Variants in BHLHA15 observed in about 807,000 individuals in gnomAD.
BHLHA15 encodes class A basic helix-loop-helix protein 15.
In BHLHA15, 7 loss-of-function variants were observed where a neutral mutation model predicts 10.4. The observed-to-expected ratio is 0.67, with a 90% confidence interval of 0.38 to 1.26. The LOEUF is 1.26. BHLHA15 is among the 50% of genes most tolerant of loss of function. The probability of loss-of-function intolerance (pLI) is 0.02; values close to 1 mark genes in which losing one functional copy is unlikely to be tolerated. For missense variants in BHLHA15, 289 were observed against 287.4 expected (o/e 1.01, Z -0.04); for synonymous variants, 140 against 131.5 (o/e 1.06, Z -0.44).
chr7:98,212,805 GCCA>G lies in BHLHA15; in HGVS notation c.498_500del (p.Thr167del). On this transcript the variant is annotated inframe_deletion, in exon 2 of 2. Transcript: ENST00000609256. ...GCAGGTGGCTGGGGGTGCGTTGGGG[GCCA>G]CGGAGGCCCAGCCCCAGGGCCACCT... The G allele has an allele frequency of 6.5e-7, 1 of 1,547,964 alleles. No homozygotes were observed. Among genetic ancestry groups the G allele is most frequent in the South Asian group, 1.2e-5 (1 of 83,392 alleles).
chr7:98,212,744 G>A lies in BHLHA15; in HGVS notation c.435G>A (p.Pro145=), dbSNP rs764639606. 10 of 1,556,596 alleles carry A rather than the reference G, an allele frequency of 6.4e-6. No homozygotes were observed. Among genetic ancestry groups the A allele is most frequent in the African/African-American group, 1.4e-5 (1 of 73,552 alleles). ...GCCGCCTCCCAGGCCTGGAGGGGCC[G>A]GGCCCCAAGCTCTACCAGCACTACC... ...SSSRLPGLEG[P]GPKLYQHYQQ... is the part of the protein sequence containing the mutation. Residue 145 remains proline, a synonymous_variant, in exon 2 of 2, where the codon CCG becomes CCA. Coordinates refer to ENST00000609256, the MANE Select transcript of BHLHA15 (RefSeq NM_177455.4).
rs1325219048 is a variant in BHLHA15, at chr7:98,212,377, A to G, written c.68A>G (p.Glu23Gly). ...CAGGACACAGAGGCCACCCCCGGGG[A>G]GGGGACGCCCGACGGGTCCCTGCCG... ...PVQDTEATPG[E>G]GTPDGSLPNP... Residue 23 changes from glutamate (E) to glycine (G), a missense_variant, in exon 2 of 2, where the codon GAG becomes GGG. Coordinates refer to ENST00000609256, the MANE Select transcript of BHLHA15 (RefSeq NM_177455.4). 2 of 1,437,416 alleles carry G rather than the reference A, an allele frequency of 1.4e-6. No individual in the cohort carries two copies. The highest frequency in any genetic ancestry group is 1.8e-6 in the Non-Finnish European group (2 of 1,097,438). The allele number at this position is 1,437,416 out of a possible 1,614,324, so 89.0% of individuals were successfully genotyped here. A position where few individuals can be genotyped will look rare whatever the true frequency, so the allele number is the denominator to read the frequency against.
rs1265618544 is a variant in BHLHA15, at chr7:98,215,005, G to A, written c.*2126G>A. The A allele has an allele frequency of 6.6e-6, 1 of 152,352 alleles. No homozygotes were observed. The highest frequency in any genetic ancestry group is 2.4e-5 in the African/African-American group (1 of 41,462). 9.4% of individuals were successfully genotyped at this position (152,352 alleles called of 1,614,324 possible). ...GAGGAGGAGAGGGGACAGGGGCCAG[G>A]TCCACTCCCTTGGCCCTCCTCTTGG... On this transcript the variant is annotated 3_prime_UTR_variant, in exon 2 of 2. Transcript: ENST00000609256.
chr7:98,211,865 C>T (rs989168589), intron 1 of BHLHA15, among the ~76,000 whole-genome samples: 1 of 152,134 alleles, frequency 6.6e-6, no homozygotes, highest in Non-Finnish European at 1.5e-5. Context: ...AAGTCAGTGC[C>T]GCCTCCGGCA....
chr7:98,213,409 T>G lies in BHLHA15; in HGVS notation c.*530T>G, dbSNP rs1184030471. Reference sequence around the variant, plus strand: ...GCAGAGCCTAAGGCTGCTCGGGGAGTGGGGCCAATCAGAGATGATTGGAGC... The same window carrying G: ...GCAGAGCCTAAGGCTGCTCGGGGAGGGGGGCCAATCAGAGATGATTGGAGC... On this transcript the variant is annotated 3_prime_UTR_variant, in exon 2 of 2. Transcript: ENST00000609256. 2.0e-5 allele frequency among the ~76,000 whole-genome samples: 3 copies of G among 151,796 alleles called. No homozygotes were observed. Among genetic ancestry groups the G allele is most frequent in the African/African-American group, 7.3e-5 (3 of 41,290 alleles).
Position 98,213,147 on chromosome 7 carries a change from G to A in BHLHA15, c.*268G>A, listed in dbSNP as rs1050631788. Among the ~76,000 whole-genome samples, 2 of 152,226 alleles carry A rather than the reference G, an allele frequency of 1.3e-5. No homozygotes were observed. Among genetic ancestry groups the A allele is most frequent in the Admixed American group, 1.3e-4 (2 of 15,292 alleles). On this transcript the variant is annotated 3_prime_UTR_variant, in exon 2 of 2. Transcript: ENST00000609256. ...TCTAGGTAGGGCCCAGTTGGATCCT[G>A]ATTTTTCATTGAGCCAGGCAGTCTC...
In BHLHA15 at chr7:98,212,272, T is replaced by C; in HGVS notation, c.-38T>C. 7.6e-7 allele frequency: 1 copy of C among 1,319,320 alleles called. No individual in the cohort carries two copies. The highest frequency in any genetic ancestry group is 9.7e-7 in the Non-Finnish European group (1 of 1,030,928). The allele number at this position is 1,319,320 out of a possible 1,614,324, so 81.7% of individuals were successfully genotyped here. ...GGATTTCAGCTCCAAGGGCCTCACC[T>C]TCCTGCCGCCACCTCCTAGGACAGC... On this transcript the variant is annotated 5_prime_UTR_variant, in exon 2 of 2. Coordinates refer to ENST00000609256, the MANE Select transcript of BHLHA15 (RefSeq NM_177455.4).
Position 98,212,993 on chromosome 7 carries a change from G to A in BHLHA15, c.*114G>A, listed in dbSNP as rs1797932194. ...GGGCGGTGACACCCCACAAGGACAC[G>A]GCCTCAGCGGTTCCATTTTCCCCCG... is the stretch of plus-strand genomic sequence containing the variant. On this transcript the variant is annotated 3_prime_UTR_variant, in exon 2 of 2. Transcript: ENST00000609256. 6 of 973,608 alleles carry A rather than the reference G, an allele frequency of 6.2e-6. No homozygotes were observed. The South Asian group carries it at 1.1e-4, about 17-fold the overall frequency. 60.3% of individuals were successfully genotyped at this position (973,608 alleles called of 1,614,324 possible).
chr7:98,211,629 G>A (rs80021450), intron 1 of BHLHA15, 131 bp downstream of exon 1: 8,480 of 152,382 alleles, frequency 0.056, 606 homozygotes, highest in East Asian at 0.33. Context: ...CTGTCTGGAG[G>A]CTCCACGGGG....
Position 98,212,245 on chromosome 7 carries a change from C to G in BHLHA15, c.-54-11C>G, listed in dbSNP as rs1186643790. ...GGGTGACCACAGAGTGTCCTGTGTT[C>G]TGGATTTCAGCTCCAAGGGCCTCAC... is the stretch of plus-strand genomic sequence containing the variant. On this transcript the variant is annotated splice_polypyrimidine_tract_variant and intron_variant, in intron 1 of 1. Transcript: ENST00000609256. 5 of 1,298,092 alleles carry G rather than the reference C, an allele frequency of 3.9e-6. No individual in the cohort carries two copies. The East Asian group carries it at 9.6e-5, about 25-fold the overall frequency. The allele number at this position is 1,298,092 out of a possible 1,614,324, so 80.4% of individuals were successfully genotyped here. A position where few individuals can be genotyped will look rare whatever the true frequency, so the allele number is the denominator to read the frequency against.
rs533501805 is a variant in BHLHA15 at position 98,213,134 on chromosome 7, C to A, written c.*255C>A. 6.6e-6 allele frequency among the ~76,000 whole-genome samples: 1 copy of A among 152,320 alleles called. No homozygotes were observed. The highest frequency in any genetic ancestry group is 1.5e-5 in the Non-Finnish European group (1 of 68,026). ...TGAGGCCCAAACCTCTAGGTAGGGCCCAGTTGGATCCTGATTTTTCATTGA... is the reference window on the plus strand; with the variant it reads ...TGAGGCCCAAACCTCTAGGTAGGGCACAGTTGGATCCTGATTTTTCATTGA... On this transcript the variant is annotated 3_prime_UTR_variant, in exon 2 of 2. Transcript: ENST00000609256.
At position 98,212,937 on chromosome 7, in the gene BHLHA15, C is replaced by T; in HGVS notation, c.*58C>T. 13 of 1,450,344 alleles carry T rather than the reference C, an allele frequency of 9.0e-6. No individual in the cohort carries two copies. Among genetic ancestry groups the T allele is most frequent in the Non-Finnish European group, 9.1e-7 (1 of 1,093,718 alleles). 89.8% of individuals were successfully genotyped at this position (1,450,344 alleles called of 1,614,324 possible). On this transcript the variant is annotated 3_prime_UTR_variant, in exon 2 of 2. Transcript: ENST00000609256. ...CAGCTGCCTGGCCTGCTCCTCCCAGCCCCAGTCCCTCCAAGCCACGAGCCC... is the reference window on the plus strand; with the variant it reads ...CAGCTGCCTGGCCTGCTCCTCCCAGTCCCAGTCCCTCCAAGCCACGAGCCC...
At chr7:98,211,611 C>CT (rs1454988048) in intron 1 of BHLHA15, 113 bp downstream of exon 1, 1 of 152,274 alleles carries the variant, frequency 6.6e-6, no homozygotes, top group Non-Finnish European at 1.5e-5. Context: ...GGGTGGGGGA[C>CT]TTCTGGTCTG....
In BHLHA15 at chr7:98,214,335, T is replaced by TCAG. The variant is rs1797952879; in HGVS notation, c.*1457_*1459dup. On this transcript the variant is annotated 3_prime_UTR_variant, in exon 2 of 2. Transcript: ENST00000609256. ...TTGGTTTCATTTCGATGAGACTTTGTCAGAGGCCTGGTCTGGTCCTGGCCC... is the reference window on the plus strand; with the variant it reads ...TTGGTTTCATTTCGATGAGACTTTGTCAGCAGAGGCCTGGTCTGGTCCTGGCCC... 2.0e-5 allele frequency among the ~76,000 whole-genome samples: 3 copies of TCAG among 152,238 alleles called. No individual in the cohort carries two copies. The South Asian group carries it at 6.2e-4, about 32-fold the overall frequency.
rs1341367634 is a variant in BHLHA15 at position 98,214,199 on chromosome 7, T to G, written c.*1320T>G. ...CTCCCCAAGTTGGGGGTTGTGGCAC[T>G]TGGGGTCAGGCCTAGCCACGTAAGG... On this transcript the variant is annotated 3_prime_UTR_variant, in exon 2 of 2. Coordinates refer to ENST00000609256, the MANE Select transcript of BHLHA15 (RefSeq NM_177455.4). Among the ~76,000 whole-genome samples, 4 of 152,194 alleles carry G rather than the reference T, an allele frequency of 2.6e-5. No homozygotes were observed. The highest frequency in any genetic ancestry group is 5.9e-5 in the Non-Finnish European group (4 of 68,028).
Position 98,213,107 on chromosome 7 carries a change from C to G in BHLHA15, c.*228C>G. ...TTGCGGCTGTGGCCCTGGACAGCGG[C>G]GTGAGGCCCAAACCTCTAGGTAGGG... On this transcript the variant is annotated 3_prime_UTR_variant, in exon 2 of 2. Coordinates refer to ENST00000609256, the MANE Select transcript of BHLHA15 (RefSeq NM_177455.4). 1 of 523,454 alleles carries G rather than the reference C, an allele frequency of 1.9e-6. No homozygotes were observed. The highest frequency in any genetic ancestry group is 4.8e-4 in the Middle Eastern group (1 of 2,066). 32.4% of individuals were successfully genotyped at this position (523,454 alleles called of 1,614,324 possible).
chr7:98,212,966 A>G lies in BHLHA15; in HGVS notation c.*87A>G. ...AGTCCCTCCAAGCCACGAGCCCCAG[A>G]TGGGCGGTGACACCCCACAAGGACA... On this transcript the variant is annotated 3_prime_UTR_variant, in exon 2 of 2. Transcript: ENST00000609256. 7.9e-7 allele frequency: 1 copy of G among 1,260,770 alleles called. No homozygotes were observed. The highest frequency in any genetic ancestry group is 1.1e-6 in the Non-Finnish European group (1 of 932,470). The allele number at this position is 1,260,770 out of a possible 1,614,324, so 78.1% of individuals were successfully genotyped here. A position where few individuals can be genotyped will look rare whatever the true frequency, so the allele number is the denominator to read the frequency against.
rs1345631827 is a variant in BHLHA15 at position 98,213,238 on chromosome 7, G to T, written c.*359G>T. ...CTCTTCACCCTGACTTCTGGGCAAG[G>T]GGAGATCCCAGGAAAAGGTTTACCT... is the stretch of plus-strand genomic sequence containing the variant. On this transcript the variant is annotated 3_prime_UTR_variant, in exon 2 of 2. Transcript: ENST00000609256. Among the ~76,000 whole-genome samples the T allele has an allele frequency of 6.6e-6, 1 of 152,216 alleles. No individual in the cohort carries two copies. The highest frequency in any genetic ancestry group is 2.4e-5 in the African/African-American group (1 of 41,456).
rs2116504995 is a variant in BHLHA15 at position 98,213,119 on chromosome 7, A to G, written c.*240A>G. The G allele has an allele frequency of 2.0e-6, 1 of 503,708 alleles. No homozygotes were observed. The highest frequency in any genetic ancestry group is 3.6e-5 in the East Asian group (1 of 27,554). 31.2% of individuals were successfully genotyped at this position (503,708 alleles called of 1,614,324 possible). On this transcript the variant is annotated 3_prime_UTR_variant, in exon 2 of 2. Transcript: ENST00000609256. ...CCCTGGACAGCGGCGTGAGGCCCAA[A>G]CCTCTAGGTAGGGCCCAGTTGGATC...
Sources: gnomAD v4.1 joint callset for allele counts (sites outside exome capture counted in the v4.1 genomes callset) on GRCh38, gnomAD v4.1.1 for gene constraint, MANE v1.5 for transcripts, NCBI Gene and HGNC (gene_info 2026-07-23, HGNC 2026-07-21) for gene names.